The following EEA1 variants were observed in gnomAD, a reference collection of about 807,000 sequenced individuals.
EEA1 encodes early endosome antigen 1.
A neutral mutation model predicts 209.2 loss-of-function variants in EEA1; 111 were observed. The ratio of observed to expected loss-of-function variants is 0.53; its 90% CI spans 0.45 to 0.62. The LOEUF (loss-of-function observed/expected upper bound fraction) is 0.62. Ranked by LOEUF, EEA1 falls within the 20% of genes least tolerant of loss-of-function variation. EEA1 has a pLI of 0.00. For missense variants in EEA1, 1,343 were observed against 1,530.8 expected (o/e 0.88, Z 2.05); for synonymous variants, 536 against 540.6 (o/e 0.99, Z 0.12).
chr12:92,925,300 T>C (rs1047063148), intron 1 of EEA1, among the ~76,000 whole-genome samples: 11 of 152,128 alleles, frequency 7.2e-5, no homozygotes, highest in African/African-American at 2.4e-4. Flanking sequence ...CTGCAACCTC[T>C]GCCTCCCAGG....
rs770308525 is a variant in EEA1, at chr12:92,816,411, A to C, written c.1729-11T>G. The C allele has an allele frequency of 6.2e-7, 1 of 1,609,746 alleles. No homozygotes were observed. The highest frequency in any genetic ancestry group is 8.5e-7 in the Non-Finnish European group (1 of 1,176,960). On this transcript the variant is annotated splice_polypyrimidine_tract_variant and intron_variant, in intron 14 of 28. Coordinates refer to ENST00000322349, the MANE Select transcript of EEA1 (RefSeq NM_003566.4). Reference sequence around the variant, plus strand: ...TGTTAGTTGAGTTACCTGTTATACAAGTAAGACTAATCGTGAAGTTCACAA... The same window carrying C: ...TGTTAGTTGAGTTACCTGTTATACACGTAAGACTAATCGTGAAGTTCACAA...
At chr12:92,888,555 C>T (rs1469429111) in intron 2 of EEA1, among the ~76,000 whole-genome samples, 2 of 147,726 alleles carry the variant, frequency 1.4e-5, no homozygotes, top group African/African-American at 5.0e-5. Context: ...TCAGCCTGGG[C>T]GACAGAGCCA....
rs1876293006 is a variant in EEA1 at position 92,826,244 on chromosome 12, T to C, written c.1446A>G (p.Gln482=). The part of the protein sequence containing the change: ...KVTNSTELQH[Q]LDKTKQQHQE... Reference sequence around the variant, plus strand: ...GATGCTGTTGCTTTGTTTTATCTAATTGATGCTGCAATTCTGTAGAATTTG... The same window carrying C: ...GATGCTGTTGCTTTGTTTTATCTAACTGATGCTGCAATTCTGTAGAATTTG... The change falls in exon 13 of 29, where the codon CAA becomes CAG. Residue 482 remains glutamine (Q), a synonymous_variant. Coordinates refer to ENST00000322349, the MANE Select transcript of EEA1 (RefSeq NM_003566.4). The C allele has an allele frequency of 6.8e-6, 11 of 1,613,440 alleles. No individual in the cohort carries two copies. Among genetic ancestry groups the C allele is most frequent in the Middle Eastern group, 1.7e-4 (1 of 6,052 alleles).
In EEA1 at chr12:92,803,008, C is replaced by T. The variant is rs150515521; in HGVS notation, c.2340-274G>A. Among the ~76,000 whole-genome samples, 831 of 152,002 alleles carry T rather than the reference C, an allele frequency of 5.5e-3. 5 individuals are homozygous for T. Among genetic ancestry groups the T allele is most frequent in the South Asian group, 0.026 (123 of 4,820 alleles). ...CTTCCTGACTTAATCCATTTTTGTCCGCCACAACTAATCCCGAGGAAAAAA... is the reference window on the plus strand; with the variant it reads ...CTTCCTGACTTAATCCATTTTTGTCTGCCACAACTAATCCCGAGGAAAAAA... On this transcript the variant is annotated intron_variant, in intron 18 of 28. Coordinates refer to ENST00000322349, the MANE Select transcript of EEA1 (RefSeq NM_003566.4).
At chr12:92,911,579 C>T (rs930154312) in intron 1 of EEA1, among the ~76,000 whole-genome samples, 4 of 152,182 alleles carry the variant, frequency 2.6e-5, no homozygotes, top group Non-Finnish European at 4.4e-5. Context: ...AAATTTGTCC[C>T]AAAATCTACA....
At chr12:92,862,847 T>C (rs1360735546) in intron 3 of EEA1, among the ~76,000 whole-genome samples, 1 of 152,216 alleles carries the variant, frequency 6.6e-6, no homozygotes, top group Non-Finnish European at 1.5e-5. Flanking sequence ...CTGGCTTTAC[T>C]AACTGGGTGG....
At position 92,903,083 on chromosome 12, in the gene EEA1, C is replaced by T. The variant is rs369602633; in HGVS notation, c.25-11362G>A. Reference sequence around the variant, plus strand: ...CCAAGTAGCTGGGGTTACAGGCACCCGCCACCACACCCGGCTAATTTTTTT... The same window carrying T: ...CCAAGTAGCTGGGGTTACAGGCACCTGCCACCACACCCGGCTAATTTTTTT... On this transcript the variant is annotated intron_variant, in intron 1 of 28. Coordinates refer to ENST00000322349, the MANE Select transcript of EEA1 (RefSeq NM_003566.4). 9.1e-3 allele frequency among the ~76,000 whole-genome samples: 1,377 copies of T among 151,460 alleles called. 21 individuals are homozygous for T. The highest frequency in any genetic ancestry group is 0.032 in the African/African-American group (1,313 of 41,386).
In EEA1 at chr12:92,775,262, A is replaced by T. The variant is rs988850179; in HGVS notation, c.*749T>A. The T allele has an allele frequency of 7.9e-5, 12 of 151,704 alleles. No homozygotes were observed. The highest frequency in any genetic ancestry group is 2.9e-4 in the African/African-American group (12 of 41,414). 9.4% of individuals were successfully genotyped at this position (151,704 alleles called of 1,614,324 possible). ...CAATGCGTGGGAGTTTAAGAAAGAG[A>T]CAGAAAAAGACAAAAAGAAAAATTA... On this transcript the variant is annotated 3_prime_UTR_variant, in exon 29 of 29. Transcript: ENST00000322349.
intron 13 of EEA1, among the ~76,000 whole-genome samples, chr12:92,822,302 T>C (rs1261728884): frequency 6.6e-6 from 1 of 152,170 alleles, no homozygotes; most frequent in Non-Finnish European, 1.5e-5. Context: ...CTGTCCAGTG[T>C]TTAAACAATT....
chr12:92,829,827 A>T (rs1200756392), intron 11 of EEA1, among the ~76,000 whole-genome samples: 1 of 151,832 alleles, frequency 6.6e-6, no homozygotes, highest in Non-Finnish European at 1.5e-5. Flanking sequence ...AGGCAGTAAA[A>T]ATAAAAAATG....
chr12:92,780,209 G>A, intron 24 of EEA1, 71 bp downstream of exon 24: 1 of 1,416,096 alleles, frequency 7.1e-7, no homozygotes, highest in Non-Finnish European at 9.5e-7. Flanking sequence ...AAATAAATAT[G>A]TATGGGTATA....
intron 1 of EEA1, among the ~76,000 whole-genome samples, chr12:92,912,574 T>C (rs1880617316): frequency 6.6e-6 from 1 of 152,214 alleles, no homozygotes; most frequent in Admixed American, 6.5e-5. Context: ...ATTTTCTTTT[T>C]ATAGATTTAG....
chr12:92,826,510 C>A (rs1360435368), intron 12 of EEA1, among the ~76,000 whole-genome samples: 2 of 151,702 alleles, frequency 1.3e-5, no homozygotes, highest in Non-Finnish European at 2.9e-5. Context: ...GAGTTCGAAA[C>A]CAGCCTGGCC....
chr12:92,838,258 G>A lies in EEA1; in HGVS notation c.915+4207C>T, dbSNP rs747563647. On this transcript the variant is annotated intron_variant, in intron 10 of 28. Coordinates refer to ENST00000322349, the MANE Select transcript of EEA1 (RefSeq NM_003566.4). ...TACACACAACACACACAAAATGTGT[G>A]CTAGAGTATTTGACTGTACATTTCA... is the stretch of plus-strand genomic sequence containing the variant. 8.4e-4 allele frequency among the ~76,000 whole-genome samples: 128 copies of A among 152,142 alleles called. 1 individual carries two copies. Among genetic ancestry groups the A allele is most frequent in the Admixed American group, 2.8e-3 (43 of 15,280 alleles).
chr12:92,850,971 A>G, intron 9 of EEA1, 140 bp downstream of exon 9: 1 of 772,332 alleles, frequency 1.3e-6, no homozygotes, highest in South Asian at 2.4e-5. Context: ...ACTATAAACA[A>G]ATATTATTCA....
intron 14 of EEA1, 52 bp downstream of exon 14, chr12:92,819,256 C>G: frequency 1.4e-6 from 2 of 1,427,120 alleles, no homozygotes; most frequent in South Asian, 2.7e-5. Flanking sequence ...CTTAGTAAGA[C>G]TTAGAGAGAC....
chr12:92,826,751 C>A (rs1168327557), intron 12 of EEA1, among the ~76,000 whole-genome samples: 1 of 150,342 alleles, frequency 6.7e-6, no homozygotes, highest in African/African-American at 2.4e-5. Context: ...AAAAGCAGTA[C>A]CTCATTACTT....
chr12:92,874,149 C>T (rs936555612), intron 2 of EEA1, among the ~76,000 whole-genome samples: 16 of 149,652 alleles, frequency 1.1e-4, no homozygotes, highest in Admixed American at 1.0e-3. Flanking sequence ...CCCATCTCTA[C>T]AAAAAATACA....
At chr12:92,879,249 G>A (rs1302872709) in intron 2 of EEA1, 21 of 350,066 alleles carry the variant, frequency 6.0e-5, no homozygotes, top group African/African-American at 4.6e-4. Flanking sequence ...ATACTTACCA[G>A]TTGGACATCC....
Sources: gnomAD v4.1 joint callset for allele counts (sites outside exome capture counted in the v4.1 genomes callset) on GRCh38, gnomAD v4.1.1 for gene constraint, MANE v1.5 for transcripts, NCBI Gene and HGNC (gene_info 2026-07-23, HGNC 2026-07-21) for gene names.